Variants in PDGFRL observed in about 807,000 individuals in gnomAD.
PDGFRL encodes the protein platelet-derived growth factor receptor-like protein.
PDGFRL carries 46 observed loss-of-function variants against 37.2 expected under a neutral mutation model. The observed-to-expected ratio is 1.24, with a 90% CI of 0.98 to 1.58. The LOEUF (loss-of-function observed/expected upper bound fraction) is 1.58, where lower values mean the gene tolerates loss of function less well. PDGFRL is among the 40% of genes most tolerant of loss of function. The pLI, the probability that PDGFRL is intolerant of heterozygous loss-of-function variation, is 0.00. For synonymous variants in PDGFRL, 251 were observed against 184.3 expected (o/e 1.36, Z -2.93); for missense variants, 692 against 467.6 (o/e 1.48, Z -4.43).
intron 2 of PDGFRL, among the ~76,000 whole-genome samples, chr8:17,595,569 A>G (rs771539972): frequency 2.2e-4 from 33 of 152,024 alleles, no homozygotes; most frequent in Non-Finnish European, 4.6e-4. Flanking sequence ...ACCTAAACAA[A>G]CAAGAGCCAG....
At chr8:17,637,811 C>T (rs1206286931) in intron 5 of PDGFRL, among the ~76,000 whole-genome samples, 1 of 151,994 alleles carries the variant, frequency 6.6e-6, no homozygotes, top group African/African-American at 2.4e-5. Flanking sequence ...TGGTATAATT[C>T]CAGGAATTTA....
At chr8:17,583,805 C>CTTCT (rs1803759043) in intron 1 of PDGFRL, among the ~76,000 whole-genome samples, 2 of 152,240 alleles carry the variant, frequency 1.3e-5, no homozygotes, top group South Asian at 4.1e-4. Flanking sequence ...CTCTCTCTTG[C>CTTCT]TTCTTCTCTC....
chr8:17,633,864 C>A (rs941774189), intron 4 of PDGFRL, among the ~76,000 whole-genome samples: 1 of 152,154 alleles, frequency 6.6e-6, no homozygotes, highest in African/African-American at 2.4e-5. Flanking sequence ...AGTCCTGGTG[C>A]CTACCCCATT....
At chr8:17,617,638 C>A (rs1286486747) in intron 2 of PDGFRL, among the ~76,000 whole-genome samples, 1 of 152,168 alleles carries the variant, frequency 6.6e-6, no homozygotes, top group African/African-American at 2.4e-5. Flanking sequence ...AATTTGTTTC[C>A]TGTTTTATAT....
At chr8:17,580,134 A>C (rs1396135957) in intron 1 of PDGFRL, among the ~76,000 whole-genome samples, 1 of 152,168 alleles carries the variant, frequency 6.6e-6, no homozygotes, top group Non-Finnish European at 1.5e-5. Context: ...GATCCATGCT[A>C]ATCTGGTCTT....
In PDGFRL at chr8:17,621,164, A is replaced by T. The variant is rs1179865761; in HGVS notation, c.467A>T (p.Asp156Val). 6.2e-7 allele frequency: 1 copy of T among 1,611,198 alleles called. No homozygotes were observed. The highest frequency in any genetic ancestry group is 2.2e-5 in the East Asian group (1 of 44,816). Residue 156 changes from aspartate to valine, a missense_variant, in exon 3 of 6, where the codon GAC (aspartate) becomes GTC (valine). Coordinates refer to ENST00000251630, the MANE Select transcript of PDGFRL (RefSeq NM_001372073.1). Reference sequence around the variant, plus strand: ...TGCAGCGGCTACATCTGCAGGAAGGACGAGGCCAAAACGGGCTCCACCTAC... The same window carrying T: ...TGCAGCGGCTACATCTGCAGGAAGGTCGAGGCCAAAACGGGCTCCACCTAC... ...QLCSGYICRK[D>V]EAKTGSTYIF...
At chr8:17,584,125 A>G (rs1803766197) in intron 1 of PDGFRL, among the ~76,000 whole-genome samples, 1 of 152,166 alleles carries the variant, frequency 6.6e-6, no homozygotes, top group Non-Finnish European at 1.5e-5. Context: ...GTCTGTTTTC[A>G]AGATGAAGTC....
chr8:17,602,400 G>A (rs184561586), intron 2 of PDGFRL, among the ~76,000 whole-genome samples: 283 of 152,218 alleles, frequency 1.9e-3, no homozygotes, highest in Non-Finnish European at 3.2e-3. Context: ...AGAGCTCTGT[G>A]GTATGTGTGT....
At chr8:17,628,981 A>G (rs1482799243) in intron 4 of PDGFRL, among the ~76,000 whole-genome samples, 3 of 151,234 alleles carry the variant, frequency 2.0e-5, no homozygotes, top group Admixed American at 6.6e-5. Flanking sequence ...CAGTGGCACA[A>G]CCATTTTCTC....
intron 3 of PDGFRL, among the ~76,000 whole-genome samples, chr8:17,623,500 G>A (rs1472001760): frequency 1.3e-5 from 2 of 152,226 alleles, no homozygotes; most frequent in East Asian, 1.9e-4. Context: ...TCTTTGCCAA[G>A]ATTAGCACTG....
intron 4 of PDGFRL, 63 bp downstream of exon 4, chr8:17,628,843 T>C (rs1341423240): frequency 2.7e-6 from 3 of 1,096,740 alleles, no homozygotes; most frequent in Non-Finnish European, 4.1e-6. Context: ...GGTACTGCTG[T>C]TCCCTGCCTG....
chr8:17,580,649 G>A (rs575530809), intron 1 of PDGFRL, among the ~76,000 whole-genome samples: 1 of 152,268 alleles, frequency 6.6e-6, no homozygotes, highest in African/African-American at 2.4e-5. Flanking sequence ...AAGTGGCATC[G>A]AGAATCATGA....
At chr8:17,637,787 T>C (rs933087120) in intron 5 of PDGFRL, among the ~76,000 whole-genome samples, 5 of 152,224 alleles carry the variant, frequency 3.3e-5, no homozygotes, top group Non-Finnish European at 5.9e-5. Flanking sequence ...TCTTCCTGGT[T>C]TAATCTAGGA....
At chr8:17,642,521 C>G (rs1300960908) in intron 5 of PDGFRL, 92 bp from the exon 6 acceptor site, 2 of 762,062 alleles carry the variant, frequency 2.6e-6, no homozygotes, top group South Asian at 1.5e-5. Context: ...GCTTTGCTCT[C>G]TGAAAGGAAC....
upstream of PDGFRL, chr8:17,576,732 AG>A: frequency 1.0e-6 from 1 of 980,980 alleles, no homozygotes; most frequent in Non-Finnish European, 1.2e-6. Context: ...ACAGAGGAGC[AG>A]CAAGAACCCG....
At chr8:17,611,954 G>A (rs1804425846) in intron 2 of PDGFRL, among the ~76,000 whole-genome samples, 2 of 152,254 alleles carry the variant, frequency 1.3e-5, no homozygotes, top group African/African-American at 2.4e-5. Flanking sequence ...AACCAAGTAA[G>A]AAGGAAGGCT....
chr8:17,634,310 G>GC, intron 5 of PDGFRL, 97 bp downstream of exon 5: 1 of 939,968 alleles, frequency 1.1e-6, no homozygotes, highest in Non-Finnish European at 1.6e-6. Flanking sequence ...AGTGCTATAT[G>GC]CCATAACTTC....
intron 2 of PDGFRL, among the ~76,000 whole-genome samples, chr8:17,605,824 T>A (rs1804263751): frequency 6.6e-6 from 1 of 151,954 alleles, no homozygotes. Context: ...AAACTGGGAG[T>A]TGGGAGGAGT....
chr8:17,638,630 C>T (rs759657913), intron 5 of PDGFRL, among the ~76,000 whole-genome samples: 1 of 150,588 alleles, frequency 6.6e-6, no homozygotes. Context: ...CTATCTATTG[C>T]TGACAGTGGA....
Sources: allele counts gnomAD v4.1 joint callset (sites outside exome capture counted in the v4.1 genomes callset), GRCh38; gene constraint gnomAD v4.1.1; transcripts MANE v1.5; gene names NCBI Gene and HGNC (gene_info 2026-07-23, HGNC 2026-07-21).